The following GPHN variants were observed in gnomAD, a reference collection of about 807,000 sequenced individuals.
GPHN encodes gephyrin.
A neutral mutation model predicts 95.5 loss-of-function variants in GPHN; 17 were observed. The observed-to-expected ratio is 0.18, with a 90% CI of 0.12 to 0.27. The LOEUF is 0.27. Among genes scored for constraint, GPHN ranks in the 10% least tolerant of loss-of-function variants. The pLI is 1.00. For missense variants in GPHN, 660 were observed against 978.1 expected (o/e 0.67, Z 4.34); for synonymous variants, 320 against 322.5 (o/e 0.99, Z 0.08).
intron 1 of GPHN, among the ~76,000 whole-genome samples, chr14:66,634,910 A>G (rs755577502): frequency 1.9e-4 from 29 of 152,198 alleles, no homozygotes; most frequent in South Asian, 4.1e-4. Context: ...CTGTATAACA[A>G]TGGTGGCTTA....
the GPHN span, among the ~76,000 whole-genome samples, chr14:67,216,448 T>C: frequency 6.6e-6 from 1 of 152,134 alleles, no homozygotes; most frequent in Non-Finnish European, 1.5e-5. Context: ...AATTTTGAGT[T>C]TGGATTATTC....
chr14:66,846,955 G>A (rs1028524681), intron 4 of GPHN, among the ~76,000 whole-genome samples: 1 of 152,094 alleles, frequency 6.6e-6, no homozygotes, highest in Non-Finnish European at 1.5e-5. Context: ...AATTCCTGCT[G>A]TCAGAAGGTT....
At chr14:67,542,009 C>T in the GPHN span, 1 of 1,587,524 alleles carries the variant, frequency 6.3e-7, no homozygotes, top group Non-Finnish European at 8.6e-7. Context: ...TCCCTCAGAG[C>T]AGGGAGCTGC....
chr14:67,676,927 A>G, the GPHN span: 2 of 152,244 alleles, frequency 1.3e-5, no homozygotes, highest in South Asian at 4.1e-4. Flanking sequence ...TAATTCATTT[A>G]TTCTGCACTA....
At chr14:67,029,984 A>G (rs1594869690) in intron 10 of GPHN, among the ~76,000 whole-genome samples, 1 of 128,906 alleles carries the variant, frequency 7.8e-6, no homozygotes. Flanking sequence ...CTTCTTTGGT[A>G]GCTCTTTTTT....
At chr14:66,856,723 A>G (rs2062817129) in intron 4 of GPHN, among the ~76,000 whole-genome samples, 1 of 152,100 alleles carries the variant, frequency 6.6e-6, no homozygotes, top group Admixed American at 6.5e-5. Context: ...AATAATATGC[A>G]AAAACTTGAT....
chr14:67,443,528 G>T, the GPHN span, among the ~76,000 whole-genome samples: 1 of 151,966 alleles, frequency 6.6e-6, no homozygotes, highest in Non-Finnish European at 1.5e-5. Context: ...TCAGAAGGAG[G>T]GATGCATTCC....
the GPHN span, among the ~76,000 whole-genome samples, chr14:67,654,326 AGAGATGAGGTCTCG>A: frequency 4.7e-5 from 1 of 21,504 alleles, no homozygotes; most frequent in Non-Finnish European, 1.1e-4. Context: ...GTCTCGCTCT[AGAGATGAGGTCTCG>A]CTATGTTGCC....
At chr14:67,430,031 C>T in the GPHN span, among the ~76,000 whole-genome samples, 822 of 152,258 alleles carry the variant, frequency 5.4e-3, 8 homozygotes, top group Non-Finnish European at 8.4e-3. Context: ...ACTCCAAAGT[C>T]GCTGCTCTTA....
intron 2 of GPHN, among the ~76,000 whole-genome samples, chr14:66,693,175 A>T (rs977405476): frequency 6.6e-6 from 1 of 152,130 alleles, no homozygotes; most frequent in Non-Finnish European, 1.5e-5. Context: ...TTAATAAAAG[A>T]TAGCTAAATT....
At chr14:67,134,658 A>G (rs1191752983) in intron 17 of GPHN, among the ~76,000 whole-genome samples, 1 of 152,166 alleles carries the variant, frequency 6.6e-6, no homozygotes, top group Non-Finnish European at 1.5e-5. Flanking sequence ...AGAGAGTTGT[A>G]TACTGCTGCA....
chr14:67,413,996 C>T, the GPHN span, among the ~76,000 whole-genome samples: 1 of 152,238 alleles, frequency 6.6e-6, no homozygotes, highest in South Asian at 2.1e-4. Context: ...ATTGTCCCAG[C>T]TCTGAAACCT....
the GPHN span, among the ~76,000 whole-genome samples, chr14:67,309,779 G>C: frequency 0.15 from 23,537 of 152,034 alleles, 3,441 homozygotes; most frequent in East Asian, 0.42. Context: ...CTGAGGTGCG[G>C]CATGAGAATT....
chr14:67,115,896 C>T (rs1319587420), intron 16 of GPHN, among the ~76,000 whole-genome samples: 1 of 152,156 alleles, frequency 6.6e-6, no homozygotes, highest in East Asian at 1.9e-4. Flanking sequence ...ACTGTATGAG[C>T]TTGTTAAGGA....
chr14:66,762,077 G>A (rs1261353015), intron 2 of GPHN, among the ~76,000 whole-genome samples: 1 of 150,940 alleles, frequency 6.6e-6, no homozygotes, highest in Non-Finnish European at 1.5e-5. Context: ...TTGGAAAGTA[G>A]AATTTATGGG....
At chr14:67,114,636 G>GC (rs781699507) in intron 16 of GPHN, among the ~76,000 whole-genome samples, 106 of 152,320 alleles carry the variant, frequency 7.0e-4, no homozygotes, top group Non-Finnish European at 1.4e-3. Context: ...GCTGCAGTGA[G>GC]CTATGATGGC....
chr14:67,045,549 CTCTCTCTG>C lies in GPHN; in HGVS notation c.1007-13087_1007-13080del, dbSNP rs1474793443. 4.0e-5 allele frequency among the ~76,000 whole-genome samples: 6 copies of C among 151,302 alleles called. No homozygotes were observed. In the East Asian group the frequency reaches 5.8e-4, roughly 15 times the overall value. On this transcript the variant is annotated intron_variant, in intron 10 of 22. Transcript: ENST00000478722. Reference sequence around the variant, plus strand: ...TGTGTATTTGTCTCTCTGTGTGTGTCTCTCTCTGTCTCTCTGTCTCCCCCTCTGTCTCA... The same window carrying C: ...TGTGTATTTGTCTCTCTGTGTGTGTCTCTCTCTGTCTCCCCCTCTGTCTCA...
chr14:67,044,844 C>G (rs1412312484), intron 10 of GPHN, among the ~76,000 whole-genome samples: 1 of 151,716 alleles, frequency 6.6e-6, no homozygotes. Flanking sequence ...TGGTGTGTCT[C>G]TGTCTGTCTC....
At chr14:67,498,145 G>A in the GPHN span, among the ~76,000 whole-genome samples, 1,683 of 152,112 alleles carry the variant, frequency 0.011, 19 homozygotes, top group East Asian at 0.073. Context: ...CCACCTGAAC[G>A]CCTTTACAGA....
Sources: gnomAD v4.1 joint callset for allele counts (sites outside exome capture counted in the v4.1 genomes callset) on GRCh38, gnomAD v4.1.1 for gene constraint, MANE v1.5 for transcripts, NCBI Gene and HGNC (gene_info 2026-07-23, HGNC 2026-07-21) for gene names.